The following ZNF541 variants were observed in gnomAD, a reference collection of about 807,000 sequenced individuals.
ZNF541 encodes the protein zinc finger protein 541.
Under a neutral mutation model 123.5 loss-of-function variants are expected in ZNF541, and 23 were observed. That is an observed-to-expected ratio of 0.19 (90% CI 0.13 to 0.26). The LOEUF (loss-of-function observed/expected upper bound fraction) is 0.26. Among genes scored for constraint, ZNF541 ranks in the 10% least tolerant of loss-of-function variants. The pLI, the probability that ZNF541 is intolerant of heterozygous loss-of-function variation, is 1.00. For missense variants in ZNF541, 1,612 were observed against 1,789.9 expected (o/e 0.90, Z 1.79); for synonymous variants, 751 against 754.5 (o/e 1.00, Z 0.08).
chr19:47,523,227 A>G lies in ZNF541; in HGVS notation c.3571-1233T>C, dbSNP rs9797558. Among the ~76,000 whole-genome samples, 154 of 144,832 alleles carry G rather than the reference A, an allele frequency of 1.1e-3. 2 individuals are homozygous for G. The East Asian group carries it at 0.024, about 22-fold the overall frequency. ...GTGTTTTTAGTAGAGACGGGGTTTCACCTTATTGGCCAGGCTGGTCTCGAA... is the reference window on the plus strand; with the variant it reads ...GTGTTTTTAGTAGAGACGGGGTTTCGCCTTATTGGCCAGGCTGGTCTCGAA... On this transcript the variant is annotated intron_variant, in intron 14 of 16. Transcript: ENST00000391901.
chr19:47,546,745 G>A (rs1970375059), intron 4 of ZNF541, among the ~76,000 whole-genome samples: 3 of 151,964 alleles, frequency 2.0e-5, no homozygotes, highest in South Asian at 2.1e-4. Flanking sequence ...TTTTTGAGAC[G>A]GAGTCTTGCT....
rs891529156 is a variant in ZNF541, at chr19:47,556,818, C to T, written c.-98-864G>A. 1.2e-4 allele frequency among the ~76,000 whole-genome samples: 18 copies of T among 145,564 alleles called. 1 individual carries two copies. Among genetic ancestry groups the T allele is most frequent in the African/African-American group, 4.4e-4 (17 of 38,306 alleles). The stretch of plus-strand genomic sequence containing the variant: ...TGTCGCCCAGGCTGGAGTGCAGTGG[C>T]GGGATCTCGGCTCACTGCAACCTCT... On this transcript the variant is annotated intron_variant, in intron 2 of 16. Transcript: ENST00000391901.
intron 2 of ZNF541, among the ~76,000 whole-genome samples, chr19:47,566,397 A>C (rs1016774712): frequency 2.6e-5 from 4 of 152,136 alleles, no homozygotes; most frequent in African/African-American, 9.7e-5. Flanking sequence ...ATTTACAAAT[A>C]TATTTTATTT....
Position 47,544,978 on chromosome 19 carries a change from C to T in ZNF541, c.1551G>A (p.Gly517=), listed in dbSNP as rs1356230130. ...TCTGGGCCTCCTGGAGGCCGGGCTC[C>T]CCGGGGTTCTGGCACAGGAAGGAGT... is the stretch of plus-strand genomic sequence containing the variant. ...DCDSFLCQNP[G]EPGLQEAQKA... Residue 517 remains glycine, a synonymous_variant, in exon 5 of 17, where the codon GGG becomes GGA. Coordinates refer to ENST00000391901, the MANE Select transcript of ZNF541 (RefSeq NM_001277075.3). 6.5e-7 allele frequency: 1 copy of T among 1,531,364 alleles called. No homozygotes were observed. Among genetic ancestry groups the T allele is most frequent in the Non-Finnish European group, 8.7e-7 (1 of 1,144,874 alleles). 94.9% of individuals were successfully genotyped at this position (1,531,364 alleles called of 1,614,324 possible).
chr19:47,532,993 A>C (rs1405639590), intron 9 of ZNF541, 21 bp from the exon 10 acceptor site: 1 of 1,543,716 alleles, frequency 6.5e-7, no homozygotes, highest in Admixed American at 2.0e-5. Flanking sequence ...CAGAGTGAAA[A>C]GGCTCAAGAA....
intron 1 of ZNF541, among the ~76,000 whole-genome samples, chr19:47,572,859 G>A (rs1294762888): frequency 6.6e-6 from 1 of 152,128 alleles, no homozygotes; most frequent in Non-Finnish European, 1.5e-5. Flanking sequence ...GGGTGCAGCG[G>A]GGCCCGGAGC....
At chr19:47,530,175 T>G (rs1969496787) in intron 12 of ZNF541, among the ~76,000 whole-genome samples, 2 of 150,344 alleles carry the variant, frequency 1.3e-5, no homozygotes, top group East Asian at 3.9e-4. Flanking sequence ...TTCTTTGTTT[T>G]TTCTTTTTTT....
chr19:47,562,865 T>C (rs192506728), intron 2 of ZNF541, among the ~76,000 whole-genome samples: 281 of 152,306 alleles, frequency 1.8e-3, no homozygotes, highest in Admixed American at 3.7e-3. Context: ...CACATTTTGT[T>C]TAACCACTCT....
chr19:47,543,112 C>CTAAAAAATATA (rs1970154272), intron 5 of ZNF541, among the ~76,000 whole-genome samples: 1 of 151,774 alleles, frequency 6.6e-6, no homozygotes, highest in Non-Finnish European at 1.5e-5. Flanking sequence ...CCCTCCATCT[C>CTAAAAAATATA]TAAAAAATAT....
chr19:47,550,721 A>G (rs950960645), intron 3 of ZNF541, among the ~76,000 whole-genome samples: 16 of 152,334 alleles, frequency 1.1e-4, no homozygotes, highest in African/African-American at 3.6e-4. Flanking sequence ...ATCACAGCTC[A>G]TTGCAGTCTC....
At chr19:47,536,943 ACTCTGAAAACATGC>A (rs1969850221) in intron 9 of ZNF541, among the ~76,000 whole-genome samples, 1 of 152,182 alleles carries the variant, frequency 6.6e-6, no homozygotes, top group Admixed American at 6.5e-5. Context: ...ATATGAAGGG[ACTCTGAAAACATGC>A]CAAGTGAAAT....
intron 2 of ZNF541, among the ~76,000 whole-genome samples, chr19:47,570,821 G>A (rs1379821696): frequency 1.3e-5 from 2 of 151,072 alleles, no homozygotes; most frequent in Non-Finnish European, 2.9e-5. Context: ...GGTGGTGCAC[G>A]CCTGCAGTCC....
At chr19:47,524,460 C>G (rs781301011) in intron 14 of ZNF541, among the ~76,000 whole-genome samples, 18 of 152,160 alleles carry the variant, frequency 1.2e-4, no homozygotes, top group Admixed American at 8.5e-4. Context: ...AATCCCAGCA[C>G]TTTGGGAGGC....
rs1359500511 is a variant in ZNF541 at position 47,545,136 on chromosome 19, C to T, written c.1393G>A (p.Gly465Ser). The change falls in exon 5 of 17, where the codon GGC (glycine) becomes AGC (serine). Residue 465 changes from glycine (G) to serine (S), a missense_variant. Gly to Ser is a moderately conservative substitution (Grantham distance 56). Coordinates refer to ENST00000391901, the MANE Select transcript of ZNF541 (RefSeq NM_001277075.3). This position sits in a 1 kb window ranked among gnomAD's most constrained non-coding sequence, Gnocchi z 7.5. ...SPSEESPPGPGGGLEDALPFP... is the reference protein window; with the variant it reads ...SPSEESPPGPSGGLEDALPFP... ...GGCAGAGCATCCTCCAGGCCACCGCCGGGGCCGGGCGGGGACTCCTCCGAG... is the reference window on the plus strand; with the variant it reads ...GGCAGAGCATCCTCCAGGCCACCGCTGGGGCCGGGCGGGGACTCCTCCGAG... 2 of 1,481,746 alleles carry T rather than the reference C, an allele frequency of 1.3e-6. No homozygotes were observed. The highest frequency in any genetic ancestry group is 2.3e-5 in the Admixed American group (1 of 42,918). 91.8% of individuals were successfully genotyped at this position (1,481,746 alleles called of 1,614,324 possible). A position where few individuals can be genotyped will look rare whatever the true frequency, so the allele number is the denominator to read the frequency against.
At chr19:47,529,121 T>G in intron 13 of ZNF541, 83 bp from the exon 14 acceptor site, 1 of 1,013,674 alleles carries the variant, frequency 9.9e-7, no homozygotes, top group South Asian at 1.4e-5. Context: ...ACCTTCCCAT[T>G]TATAGCTGCC....
chr19:47,537,847 C>T (rs1969893816), intron 9 of ZNF541, among the ~76,000 whole-genome samples: 1 of 152,010 alleles, frequency 6.6e-6, no homozygotes, highest in Non-Finnish European at 1.5e-5. Flanking sequence ...TGCACTCCAG[C>T]CTGGGTGACA....
chr19:47,521,148 G>T lies in ZNF541; in HGVS notation c.*76C>A. ...GGAGGGTGGGGGGAGGCAGAGGGGT[G>T]CCCCAAACGCCCTGGAGAGGCCGAA... On this transcript the variant is annotated 3_prime_UTR_variant, in exon 17 of 17. Transcript: ENST00000391901. The surrounding 1 kb of genome is among the most constrained non-coding windows in gnomAD (Gnocchi z 4.2). 2 of 1,488,750 alleles carry T rather than the reference G, an allele frequency of 1.3e-6. No individual in the cohort carries two copies. Among genetic ancestry groups the T allele is most frequent in the Non-Finnish European group, 9.0e-7 (1 of 1,110,222 alleles). 92.2% of individuals were successfully genotyped at this position (1,488,750 alleles called of 1,614,324 possible). A position where few individuals can be genotyped will look rare whatever the true frequency, so the allele number is the denominator to read the frequency against.
intron 2 of ZNF541, among the ~76,000 whole-genome samples, chr19:47,563,861 C>T (rs1971160772): frequency 1.3e-5 from 2 of 152,166 alleles, no homozygotes; most frequent in South Asian, 4.1e-4. Flanking sequence ...CCGCCTCGGC[C>T]TCCCAAAGTG....
chr19:47,542,131 G>A (rs1290469368), intron 5 of ZNF541, among the ~76,000 whole-genome samples: 2 of 152,136 alleles, frequency 1.3e-5, no homozygotes, highest in African/African-American at 2.4e-5. Context: ...AGCCAGATAC[G>A]AATGCCACAG....
Sources: gnomAD v4.1 joint callset for allele counts (sites outside exome capture counted in the v4.1 genomes callset) on GRCh38, gnomAD v4.1.1 for gene constraint, Gnocchi (gnomAD v3.1) non-coding constraint, MANE v1.5 for transcripts, NCBI Gene and HGNC (gene_info 2026-07-23, HGNC 2026-07-21) for gene names.